Variants in VTCN1 observed in about 807,000 individuals in gnomAD.
The protein encoded by VTCN1 is V-set domain containing T cell activation inhibitor 1, also known as V-set domain-containing T-cell activation inhibitor 1.
A neutral mutation model predicts 26.5 loss-of-function variants in VTCN1; 26 were observed. The ratio of observed to expected loss-of-function variants is 0.98; its 90% CI spans 0.72 to 1.36. The LOEUF (loss-of-function observed/expected upper bound fraction) is 1.36. Ranked by LOEUF, VTCN1 falls within the 40% of genes most tolerant of loss-of-function variation. The pLI, the probability that VTCN1 is intolerant of heterozygous loss-of-function variation, is 0.00. For synonymous variants in VTCN1, 116 were observed against 130.7 expected (o/e 0.89, Z 0.77); for missense variants, 298 against 337.7 (o/e 0.88, Z 0.92).
At chr1:117,170,382 A>T in intron 1 of VTCN1, 2 of 657,104 alleles carry the variant, frequency 3.0e-6, no homozygotes, top group Admixed American at 3.8e-5. Flanking sequence ...GGGATCAATG[A>T]AAAGAGTGAC....
chr1:117,182,655 G>T (rs574436835), intron 1 of VTCN1, among the ~76,000 whole-genome samples: 1 of 152,298 alleles, frequency 6.6e-6, no homozygotes, highest in African/African-American at 2.4e-5. Flanking sequence ...CAGACACAAA[G>T]GAAGCTTCCC....
rs995889886 is a variant in VTCN1 at position 117,153,305 on chromosome 1, A to G, written c.510T>C (p.Ala170=). 32 of 1,614,014 alleles carry G rather than the reference A, an allele frequency of 2.0e-5. No individual in the cohort carries two copies. The highest frequency in any genetic ancestry group is 2.7e-5 in the Non-Finnish European group (32 of 1,179,996). The part of the protein sequence containing the change: ...NASSETLRCE[A]PRWFPQPTVV... The stretch of plus-strand genomic sequence containing the variant: ...CTGTGGGCTGGGGGAACCATCGGGG[A>G]GCCTCACACCGCAAGGTCTCTGAGC... Residue 170 remains alanine (A), a synonymous_variant, in exon 4 of 6, where the codon GCT becomes GCC. Transcript: ENST00000369458.
At position 117,169,329 on chromosome 1, in the gene VTCN1, C is replaced by T. The variant is rs924973395; in HGVS notation, c.97+778G>A. Among the ~76,000 whole-genome samples the T allele has an allele frequency of 6.6e-5, 10 of 152,196 alleles. No individual in the cohort carries two copies. The highest frequency in any genetic ancestry group is 2.4e-4 in the African/African-American group (10 of 41,450). ...ATCTGTGCTACAGCGGTATCTGTTT[C>T]CTACATGGTACAGTAGTCATGACCA... On this transcript the variant is annotated intron_variant, in intron 2 of 5. Transcript: ENST00000369458. This position sits in a 1 kb window ranked among gnomAD's most constrained non-coding sequence, Gnocchi z 4.0.
chr1:117,159,158 T>C lies in VTCN1; in HGVS notation c.98-2237A>G, dbSNP rs1446478646. Among the ~76,000 whole-genome samples, 1 of 152,254 alleles carries C rather than the reference T, an allele frequency of 6.6e-6. No individual in the cohort carries two copies. Among genetic ancestry groups the C allele is most frequent in the African/African-American group, 2.4e-5 (1 of 41,468 alleles). On this transcript the variant is annotated intron_variant, in intron 2 of 5. Transcript: ENST00000369458. This position sits in a 1 kb window ranked among gnomAD's most constrained non-coding sequence, Gnocchi z 4.7. ...CAGTTCCAAAGTTGCTTCCACATTT[T>C]TGGGTATCTTTTCAGCAGTGCCCCA...
intron 1 of VTCN1, among the ~76,000 whole-genome samples, chr1:117,207,286 C>A (rs553448184): frequency 1.3e-5 from 2 of 152,162 alleles, no homozygotes; most frequent in Non-Finnish European, 2.9e-5. Context: ...ATGTTTTTAT[C>A]AATGCCATTG....
Position 117,169,974 on chromosome 1 carries a change from G to A in VTCN1, c.97+133C>T. On this transcript the variant is annotated intron_variant, in intron 2 of 5. Coordinates refer to ENST00000369458, the MANE Select transcript of VTCN1 (RefSeq NM_024626.4). The surrounding 1 kb of genome is among the most constrained non-coding windows in gnomAD (Gnocchi z 4.0). ...GACTAATGTAGAGAAAGCACAAGAA[G>A]TAGAAGAATGAATGCTATACTCTGA... 1.3e-6 allele frequency: 1 copy of A among 759,926 alleles called. No homozygotes were observed. Among genetic ancestry groups the A allele is most frequent in the Non-Finnish European group, 2.3e-6 (1 of 442,082 alleles). 47.1% of individuals were successfully genotyped at this position (759,926 alleles called of 1,614,324 possible). A position where few individuals can be genotyped will look rare whatever the true frequency, so the allele number is the denominator to read the frequency against.
chr1:117,171,459 C>T (rs1475048769), intron 1 of VTCN1, among the ~76,000 whole-genome samples: 1 of 152,208 alleles, frequency 6.6e-6, no homozygotes, highest in Non-Finnish European at 1.5e-5. Context: ...AACTAATTTA[C>T]ACTCCTACCA....
chr1:117,190,595 T>A (rs1344818963), intron 1 of VTCN1, among the ~76,000 whole-genome samples: 1 of 152,282 alleles, frequency 6.6e-6, no homozygotes, highest in South Asian at 2.1e-4. Context: ...TCAGCCCTAC[T>A]GACCAAAATC....
chr1:117,170,235 A>C, intron 1 of VTCN1, 64 bp from the exon 2 acceptor site: 1 of 1,449,478 alleles, frequency 6.9e-7, no homozygotes, highest in African/African-American at 1.4e-5. Context: ...CTGCTTTGCA[A>C]CTGGGGTACA....
At chr1:117,205,178 G>A (rs1270533118) in intron 1 of VTCN1, among the ~76,000 whole-genome samples, 4 of 123,080 alleles carry the variant, frequency 3.2e-5, no homozygotes, top group African/African-American at 5.6e-5. Context: ...AGAGAGAGAG[G>A]GGGGTCTCGC....
intron 2 of VTCN1, among the ~76,000 whole-genome samples, chr1:117,168,334 G>A (rs993106311): frequency 6.6e-6 from 1 of 152,330 alleles, no homozygotes. Context: ...GTGTTCAGTA[G>A]TGGTGCTGGG....
intron 1 of VTCN1, among the ~76,000 whole-genome samples, chr1:117,210,469 C>T (rs1288071624): frequency 3.3e-5 from 5 of 152,232 alleles, no homozygotes; most frequent in Admixed American, 2.0e-4. Context: ...ACCATGCAAC[C>T]CACACCAGCC....
At position 117,155,319 on chromosome 1, in the gene VTCN1, A is replaced by G. The variant is rs1023112829; in HGVS notation, c.445+1255T>C. ...AGCAGTGTTTGCCGGATTTCTTTGG[A>G]AGCTGGACTTCACTAAGTCCAATAT... On this transcript the variant is annotated intron_variant, in intron 3 of 5. Transcript: ENST00000369458. The surrounding 1 kb of genome is among the most constrained non-coding windows in gnomAD (Gnocchi z 4.8). Among the ~76,000 whole-genome samples, 1 of 152,142 alleles carries G rather than the reference A, an allele frequency of 6.6e-6. No individual in the cohort carries two copies. Among genetic ancestry groups the G allele is most frequent in the African/African-American group, 2.4e-5 (1 of 41,424 alleles).
rs1652244820 is a variant in VTCN1 at position 117,159,178 on chromosome 1, G to A, written c.98-2257C>T. On this transcript the variant is annotated intron_variant, in intron 2 of 5. Coordinates refer to ENST00000369458, the MANE Select transcript of VTCN1 (RefSeq NM_024626.4). This position sits in a 1 kb window ranked among gnomAD's most constrained non-coding sequence, Gnocchi z 4.7. ...CATTTTTGGGTATCTTTTCAGCAGT[G>A]CCCCACTCTACTGGTACCAATTTAC... Among the ~76,000 whole-genome samples the A allele has an allele frequency of 6.6e-6, 1 of 152,154 alleles. No individual in the cohort carries two copies. Among genetic ancestry groups the A allele is most frequent in the Non-Finnish European group, 1.5e-5 (1 of 68,046 alleles).
rs1325141809 is a variant in VTCN1 at position 117,169,940 on chromosome 1, G to T, written c.97+167C>A. Among the ~76,000 whole-genome samples, 1 of 152,096 alleles carries T rather than the reference G, an allele frequency of 6.6e-6. No homozygotes were observed. Among genetic ancestry groups the T allele is most frequent in the Admixed American group, 6.6e-5 (1 of 15,262 alleles). ...AAAAAATGAGGACACTGAAGTCGAG[G>T]ACTTAACTGACTAATGTAGAGAAAG... On this transcript the variant is annotated intron_variant, in intron 2 of 5. Transcript: ENST00000369458. This position sits in a 1 kb window ranked among gnomAD's most constrained non-coding sequence, Gnocchi z 4.0.
chr1:117,169,230 T>C lies in VTCN1; in HGVS notation c.97+877A>G, dbSNP rs1471547865. On this transcript the variant is annotated intron_variant, in intron 2 of 5. Transcript: ENST00000369458. The surrounding 1 kb of genome is among the most constrained non-coding windows in gnomAD (Gnocchi z 4.0). ...ATCCATAAAAGATGCTTCAGAGCAG[T>C]GGCCTATGCAGAAGAGGAAAGTGAA... Among the ~76,000 whole-genome samples, 1 of 152,204 alleles carries C rather than the reference T, an allele frequency of 6.6e-6. No individual in the cohort carries two copies. Among genetic ancestry groups the C allele is most frequent in the Non-Finnish European group, 1.5e-5 (1 of 68,024 alleles).
chr1:117,143,973 T>C lies in VTCN1; in HGVS notation c.*1298A>G, dbSNP rs1651383618. On this transcript the variant is annotated 3_prime_UTR_variant, in exon 6 of 6. Transcript: ENST00000369458. ...AGGGTAGAATGAAGGGAAAGAAACT[T>C]AGAAGCTCAACAAGCTGAAGATAAT... 1 of 152,152 alleles carries C rather than the reference T, an allele frequency of 6.6e-6. No individual in the cohort carries two copies. Among genetic ancestry groups the C allele is most frequent in the Non-Finnish European group, 1.5e-5 (1 of 68,024 alleles). The allele number at this position is 152,152 out of a possible 1,614,324, so 9.4% of individuals were successfully genotyped here.
chr1:117,210,014 T>C (rs962063202), intron 1 of VTCN1, among the ~76,000 whole-genome samples: 2 of 152,132 alleles, frequency 1.3e-5, no homozygotes, highest in Non-Finnish European at 2.9e-5. Context: ...AACCAACAAG[T>C]ATCAGCCTCC....
chr1:117,157,102 T>G, intron 2 of VTCN1, 181 bp from the exon 3 acceptor site: 1 of 679,854 alleles, frequency 1.5e-6, no homozygotes, highest in Non-Finnish European at 2.2e-6. Flanking sequence ...GATATATATA[T>G]ATATATATAT....
Sources: gnomAD v4.1 joint callset for allele counts (sites outside exome capture counted in the v4.1 genomes callset) on GRCh38, gnomAD v4.1.1 for gene constraint, Gnocchi (gnomAD v3.1) non-coding constraint, MANE v1.5 for transcripts, NCBI Gene and HGNC (gene_info 2026-07-23, HGNC 2026-07-21) for gene names.